PARP11: variants seen among roughly 807,000 people sequenced by gnomAD.
The protein encoded by PARP11 is poly(ADP-ribose) polymerase family member 11, also known as protein mono-ADP-ribosyltransferase PARP11.
Under a neutral mutation model 42.9 loss-of-function variants are expected in PARP11, and 31 were observed. The observed-to-expected ratio is 0.72, with a 90% CI of 0.54 to 0.98. The LOEUF (loss-of-function observed/expected upper bound fraction) is 0.98, where lower values mean the gene tolerates loss of function less well. PARP11 is among the 50% of genes least tolerant of loss of function. The probability of loss-of-function intolerance (pLI) is 0.00; values close to 1 mark genes in which losing one functional copy is unlikely to be tolerated. For synonymous variants in PARP11, 137 were observed against 127.3 expected, an observed-to-expected ratio of 1.08 and a Z score of -0.51; for missense variants, 365 against 413.1, an observed-to-expected ratio of 0.88 and a Z score of 1.01.
intron 3 of PARP11, among the ~76,000 whole-genome samples, chr12:3,827,838 T>C (rs1947558754): frequency 3.3e-5 from 5 of 152,154 alleles, no homozygotes; most frequent in Admixed American, 3.3e-4. Context: ...AACACTGTCA[T>C]AAAGACACTA....
intron 1 of PARP11, among the ~76,000 whole-genome samples, chr12:3,831,833 AAACT>A (rs1318225941): frequency 6.6e-6 from 1 of 152,194 alleles, no homozygotes; most frequent in Admixed American, 6.5e-5. Flanking sequence ...ACTGTCCAGT[AAACT>A]ATTCACAATT....
At chr12:3,833,009 G>A (rs577821763) in intron 1 of PARP11, among the ~76,000 whole-genome samples, 1 of 152,320 alleles carries the variant, frequency 6.6e-6, no homozygotes, top group African/African-American at 2.4e-5. Flanking sequence ...TCATCAAATT[G>A]AAAAGCTGTG....
chr12:3,811,654 A>G lies in PARP11; in HGVS notation c.*469T>C, dbSNP rs1050856218. On this transcript the variant is annotated 3_prime_UTR_variant, in exon 8 of 8. Transcript: ENST00000228820. ...AAATCCCCCCTTCAGAAGACCAACA[A>G]AGCAACAGATGGATTGGTGGATGAT... The G allele has an allele frequency of 1.3e-5, 2 of 152,976 alleles. No individual in the cohort carries two copies. Among genetic ancestry groups the G allele is most frequent in the African/African-American group, 4.8e-5 (2 of 41,470 alleles). 9.5% of individuals were successfully genotyped at this position (152,976 alleles called of 1,614,324 possible). A position where few individuals can be genotyped will look rare whatever the true frequency, so the allele number is the denominator to read the frequency against.
At chr12:3,872,413 G>A (rs545751215) in intron 1 of PARP11, 2 of 467,494 alleles carry the variant, frequency 4.3e-6, no homozygotes, top group South Asian at 9.1e-5. Flanking sequence ...TGGGTGGTGA[G>A]GAAAGGTACT....
chr12:3,837,253 CTAAT>C (rs1947786164), intron 1 of PARP11, among the ~76,000 whole-genome samples: 2 of 152,112 alleles, frequency 1.3e-5, no homozygotes, highest in East Asian at 3.9e-4. Flanking sequence ...GGGCAGTGTC[CTAAT>C]TATTTACTAG....
At chr12:3,859,489 G>T (rs1948259625) in intron 1 of PARP11, among the ~76,000 whole-genome samples, 1 of 151,554 alleles carries the variant, frequency 6.6e-6, no homozygotes, top group South Asian at 2.1e-4. Flanking sequence ...CTTGAACCAG[G>T]AGGCAGAGGT....
chr12:3,872,129 T>C (rs1015451512), intron 1 of PARP11, among the ~76,000 whole-genome samples: 1 of 152,106 alleles, frequency 6.6e-6, no homozygotes, highest in African/African-American at 2.4e-5. Flanking sequence ...TCCTCCTCCG[T>C]AGGAGGAAGA....
intron 1 of PARP11, among the ~76,000 whole-genome samples, chr12:3,837,742 G>A (rs1295423668): frequency 6.6e-6 from 1 of 151,734 alleles, no homozygotes; most frequent in African/African-American, 2.4e-5. Context: ...ACATGAGGAT[G>A]AAAGTGAAGG....
chr12:3,841,449 T>G, intron 1 of PARP11: 1 of 1,360,934 alleles, frequency 7.3e-7, no homozygotes, highest in Non-Finnish European at 1.1e-6. Flanking sequence ...AGAATTAAAG[T>G]GATTGTACCT....
At chr12:3,819,211 G>C (rs1947347617) in intron 6 of PARP11, among the ~76,000 whole-genome samples, 1 of 152,166 alleles carries the variant, frequency 6.6e-6, no homozygotes, top group Non-Finnish European at 1.5e-5. Flanking sequence ...CAATAAGTGA[G>C]GCGCCAAGCC....
At chr12:3,827,763 G>A (rs114951031) in intron 3 of PARP11, among the ~76,000 whole-genome samples, 2,068 of 152,118 alleles carry the variant, frequency 0.014, 19 homozygotes, top group Middle Eastern at 0.034. Flanking sequence ...ACTGTTTCTG[G>A]GCCTTGGTTC....
intron 3 of PARP11, 70 bp downstream of exon 3, chr12:3,828,840 A>C (rs976348538): frequency 7.3e-7 from 1 of 1,369,440 alleles, no homozygotes; most frequent in Non-Finnish European, 1.0e-6. Context: ...ACTAATCCTG[A>C]CCTTCAGAGC....
intron 1 of PARP11, among the ~76,000 whole-genome samples, chr12:3,870,703 G>T (rs1215237245): frequency 6.6e-6 from 1 of 152,124 alleles, no homozygotes; most frequent in Non-Finnish European, 1.5e-5. Context: ...AAAAATAACA[G>T]AGAAAAACCC....
intron 6 of PARP11, among the ~76,000 whole-genome samples, chr12:3,814,811 T>C (rs940122830): frequency 6.6e-6 from 1 of 152,150 alleles, no homozygotes; most frequent in Non-Finnish European, 1.5e-5. Flanking sequence ...TGTATTTACA[T>C]ATAAAAGTTA....
At chr12:3,829,866 G>A in intron 2 of PARP11, 24 bp downstream of exon 2, 3 of 1,612,634 alleles carry the variant, frequency 1.9e-6, no homozygotes, top group Non-Finnish European at 2.5e-6. Flanking sequence ...AAACACTTCT[G>A]CTAAATTAAA....
At chr12:3,867,058 C>T (rs1937703178) in intron 1 of PARP11, among the ~76,000 whole-genome samples, 2 of 152,152 alleles carry the variant, frequency 1.3e-5, no homozygotes, top group South Asian at 2.1e-4. Flanking sequence ...ACTTATAGTA[C>T]AGGGAAGACA....
intron 1 of PARP11, chr12:3,839,905 T>A (rs1428670561): frequency 8.4e-6 from 9 of 1,070,720 alleles, no homozygotes; most frequent in Non-Finnish European, 8.8e-6. Flanking sequence ...CAGTGAAATA[T>A]CAGATTCAGA....
intron 6 of PARP11, among the ~76,000 whole-genome samples, chr12:3,817,819 G>GA (rs922565101): frequency 7.2e-5 from 11 of 152,138 alleles, no homozygotes; most frequent in African/African-American, 2.7e-4. Context: ...TCATCCTGCT[G>GA]AACATCAGAG....
chr12:3,852,942 A>G (rs949198825), intron 1 of PARP11, among the ~76,000 whole-genome samples: 1 of 152,264 alleles, frequency 6.6e-6, no homozygotes, highest in African/African-American at 2.4e-5. Flanking sequence ...CTCTCGGCAG[A>G]AACTCTACAA....
Sources: allele counts gnomAD v4.1 joint callset (sites outside exome capture counted in the v4.1 genomes callset), GRCh38; gene constraint gnomAD v4.1.1; transcripts MANE v1.5; gene names NCBI Gene and HGNC (gene_info 2026-07-23, HGNC 2026-07-21).